Variants in ADGRD1 observed in about 807,000 individuals in gnomAD.
ADGRD1 encodes G-protein coupled receptor 133.
A neutral mutation model predicts 113.4 loss-of-function variants in ADGRD1; 77 were observed. The ratio of observed to expected loss-of-function variants is 0.68; its 90% CI spans 0.57 to 0.82. The LOEUF (loss-of-function observed/expected upper bound fraction) is 0.82. Among genes scored for constraint, ADGRD1 ranks in the 40% least tolerant of loss-of-function variants. ADGRD1 has a pLI of 0.00. For synonymous variants in ADGRD1, 474 were observed against 475.0 expected, an observed-to-expected ratio of 1.00 and a Z score of 0.03; for missense variants, 1,036 against 1,139.1, an observed-to-expected ratio of 0.91 and a Z score of 1.30.
In ADGRD1 at chr12:130,997,816, G is replaced by A. The variant is rs539886472; in HGVS notation, c.967-2567G>A. 2.6e-5 allele frequency among the ~76,000 whole-genome samples: 4 copies of A among 152,318 alleles called. 1 individual carries two copies. In the South Asian group the frequency reaches 6.2e-4, roughly 24 times the overall value. On this transcript the variant is annotated intron_variant, in intron 8 of 24. Coordinates refer to ENST00000261654, the MANE Select transcript of ADGRD1 (RefSeq NM_198827.5). The stretch of plus-strand genomic sequence containing the variant: ...CCAGACGGGGTGGCGGCCGGGCAGA[G>A]GCTGCAATCTCGGCACTTTGGGAGG...
intron 13 of ADGRD1, among the ~76,000 whole-genome samples, chr12:131,024,988 C>T (rs1012956250): frequency 2.6e-5 from 4 of 152,200 alleles, no homozygotes; most frequent in Non-Finnish European, 2.9e-5. Context: ...TCTCACCTCC[C>T]GGCTCCAGTG....
chr12:131,043,746 G>A (rs1017814768), intron 13 of ADGRD1, among the ~76,000 whole-genome samples: 1 of 152,248 alleles, frequency 6.6e-6, no homozygotes, highest in East Asian at 1.9e-4. Flanking sequence ...GAACGGGCTC[G>A]TGCGGCTGGG....
intron 13 of ADGRD1, among the ~76,000 whole-genome samples, chr12:131,059,484 C>A (rs1362718072): frequency 6.6e-6 from 1 of 152,138 alleles, no homozygotes; most frequent in Non-Finnish European, 1.5e-5. Flanking sequence ...CCCAGCCCAT[C>A]CATTGAGATT....
Position 131,027,030 on chromosome 12 carries a change from G to A in ADGRD1, c.1473+12690G>A, listed in dbSNP as rs577318304. On this transcript the variant is annotated intron_variant, in intron 13 of 24. Coordinates refer to ENST00000261654, the MANE Select transcript of ADGRD1 (RefSeq NM_198827.5). The surrounding 1 kb of genome is among the most constrained non-coding windows in gnomAD (Gnocchi z 5.1). ...TTCTCTTGGAGGCAGGTACTTTCTC[G>A]TAGGGATTGTGGCACACAGCTGTTA... 1.3e-5 allele frequency: 2 copies of A among 152,144 alleles called. No homozygotes were observed. Among genetic ancestry groups the A allele is most frequent in the Non-Finnish European group, 2.9e-5 (2 of 68,020 alleles). The allele number at this position is 152,144 out of a possible 1,614,324, so 9.4% of individuals were successfully genotyped here.
chr12:131,088,211 G>A (rs1175554281), intron 15 of ADGRD1, among the ~76,000 whole-genome samples: 5 of 152,222 alleles, frequency 3.3e-5, no homozygotes, highest in Admixed American at 3.3e-4. Flanking sequence ...CCCAGAGAGA[G>A]GGGGGCGCTT....
In ADGRD1 at chr12:131,020,365, T is replaced by C. The variant is rs1265134108; in HGVS notation, c.1473+6025T>C. On this transcript the variant is annotated intron_variant, in intron 13 of 24. Transcript: ENST00000261654. ...GAGCTCCGGCCAGGGCAGAGGGTGCTTCAGGGAGATGTTCCAGGCCAGGAC... is the reference window on the plus strand; with the variant it reads ...GAGCTCCGGCCAGGGCAGAGGGTGCCTCAGGGAGATGTTCCAGGCCAGGAC... 3.3e-5 allele frequency among the ~76,000 whole-genome samples: 5 copies of C among 151,750 alleles called. 1 individual carries two copies. Among genetic ancestry groups the C allele is most frequent in the African/African-American group, 1.2e-4 (5 of 41,280 alleles).
At position 131,096,472 on chromosome 12, in the gene ADGRD1, A is replaced by G. The variant is rs751751291; in HGVS notation, c.1672-8359A>G. Among the ~76,000 whole-genome samples, 4 of 152,198 alleles carry G rather than the reference A, an allele frequency of 2.6e-5. No individual in the cohort carries two copies. The highest frequency in any genetic ancestry group is 4.4e-5 in the Non-Finnish European group (3 of 68,034). The stretch of plus-strand genomic sequence containing the variant: ...TGGAGGTTGCTCCTTCTCAGGGTAC[A>G]CAGAGCCACATCTCCCGTGTTAACC... On this transcript the variant is annotated intron_variant, in intron 15 of 24. Coordinates refer to ENST00000261654, the MANE Select transcript of ADGRD1 (RefSeq NM_198827.5). The surrounding 1 kb of genome is among the most constrained non-coding windows in gnomAD (Gnocchi z 5.2).
rs1402779802 is a variant in ADGRD1, at chr12:130,971,734, A to G, written c.310+154A>G. On this transcript the variant is annotated intron_variant, in intron 4 of 24. Transcript: ENST00000261654. This position sits in a 1 kb window ranked among gnomAD's most constrained non-coding sequence, Gnocchi z 4.2. ...TGGATCGGAGGGCAGGGGAGGGAGG[A>G]ATACAGGCAAGGAGGTTACTAAGCA... is the stretch of plus-strand genomic sequence containing the variant. 1.3e-5 allele frequency among the ~76,000 whole-genome samples: 2 copies of G among 152,188 alleles called. No homozygotes were observed. The highest frequency in any genetic ancestry group is 2.9e-5 in the Non-Finnish European group (2 of 68,032).
chr12:131,118,266 C>T (rs7961434), intron 18 of ADGRD1, 119 bp from the exon 19 acceptor site: 206,249 of 701,436 alleles, frequency 0.29, 36,357 homozygotes, highest in East Asian at 0.73. Context: ...CATAGTTCCC[C>T]CTCTGTATAC....
At chr12:131,036,278 T>TCTCACTCACTGCACTGGGC (rs1365644117) in intron 13 of ADGRD1, among the ~76,000 whole-genome samples, 3 of 150,136 alleles carry the variant, frequency 2.0e-5, no homozygotes, top group African/African-American at 7.4e-5. Context: ...CTGCACTGGG[T>TCTCACTCACTGCACTGGGC]CTCACTCACT....
chr12:131,084,571 T>C lies in ADGRD1; in HGVS notation c.1579T>C (p.Cys527Arg). The change falls in exon 15 of 25, where the codon TGT becomes CGT. Residue 527 changes from cysteine (C) to arginine (R), a missense_variant. Cys to Arg is a radical substitution (Grantham distance 180). Coordinates refer to ENST00000261654, the MANE Select transcript of ADGRD1 (RefSeq NM_198827.5). The surrounding 1 kb of genome is among the most constrained non-coding windows in gnomAD (Gnocchi z 4.5). ...AGAAGGGGTCTGGTCGAACCACGGCTGTGCGCTCACGAGAGGAAACCTCAC... is the reference window on the plus strand; with the variant it reads ...AGAAGGGGTCTGGTCGAACCACGGCCGTGCGCTCACGAGAGGAAACCTCAC... ...SGEGVWSNHG[C>R]ALTRGNLTYS... The C allele has an allele frequency of 6.2e-7, 1 of 1,614,176 alleles. No homozygotes were observed.
intron 13 of ADGRD1, among the ~76,000 whole-genome samples, chr12:131,066,836 C>T (rs1019938715): frequency 6.6e-6 from 1 of 152,152 alleles, no homozygotes; most frequent in African/African-American, 2.4e-5. Context: ...GAGGAGCGGC[C>T]AGGAGGCCGA....
At chr12:131,129,517 G>A (rs558846070) in intron 20 of ADGRD1, among the ~76,000 whole-genome samples, 3 of 151,198 alleles carry the variant, frequency 2.0e-5, no homozygotes, top group East Asian at 3.8e-4. Context: ...TGACAGCCCC[G>A]CCCTGCTGTC....
chr12:130,993,403 C>T (rs1874697625), intron 8 of ADGRD1, among the ~76,000 whole-genome samples: 1 of 150,196 alleles, frequency 6.7e-6, no homozygotes, highest in Admixed American at 6.7e-5. Context: ...TTCATTCATT[C>T]ATTCATAGAC....
At chr12:131,083,471 G>C (rs1368490888) in intron 14 of ADGRD1, among the ~76,000 whole-genome samples, 1 of 152,170 alleles carries the variant, frequency 6.6e-6, no homozygotes, top group African/African-American at 2.4e-5. Context: ...ATTGGGCACA[G>C]TGGCATGCAC....
At chr12:131,119,377 T>G (rs2137407530) in intron 19 of ADGRD1, among the ~76,000 whole-genome samples, 1 of 152,352 alleles carries the variant, frequency 6.6e-6, no homozygotes, top group East Asian at 1.9e-4. Context: ...ACCACTGTTC[T>G]GGCCTTCCTT....
intron 4 of ADGRD1, among the ~76,000 whole-genome samples, chr12:130,974,293 T>C (rs1247372730): frequency 6.6e-6 from 1 of 152,178 alleles, no homozygotes. Flanking sequence ...AGGGGGCACC[T>C]GGAGCAACTA....
intron 20 of ADGRD1, among the ~76,000 whole-genome samples, chr12:131,129,115 G>GC (rs1950829004): frequency 7.5e-6 from 1 of 132,638 alleles, no homozygotes; most frequent in African/African-American, 2.9e-5. Context: ...TGAGTGACAG[G>GC]CCGGCCCTGC....
At chr12:131,092,119 A>T (rs1373894094) in intron 15 of ADGRD1, 2 of 152,276 alleles carry the variant, frequency 1.3e-5, no homozygotes, top group African/African-American at 4.8e-5. Flanking sequence ...GTGGGAGCTC[A>T]ACTTTCTGTC....
Sources: allele counts gnomAD v4.1 joint callset (sites outside exome capture counted in the v4.1 genomes callset), GRCh38; gene constraint gnomAD v4.1.1; non-coding constraint Gnocchi (gnomAD v3.1); transcripts MANE v1.5; gene names NCBI Gene and HGNC (gene_info 2026-07-23, HGNC 2026-07-21).